Variants in COX16 observed in about 807,000 individuals in gnomAD.
COX16 encodes cytochrome c oxidase assembly factor COX16.
COX16 carries 12 observed loss-of-function variants against 15.4 expected under a neutral mutation model. That is an observed-to-expected ratio of 0.78 (90% CI 0.50 to 1.26). COX16 has a LOEUF of 1.26. Among genes scored for constraint, COX16 ranks in the 50% most tolerant of loss-of-function variants. The pLI, the probability that COX16 is intolerant of heterozygous loss-of-function variation, is 0.00. For synonymous variants in COX16, 46 were observed against 41.1 expected, an observed-to-expected ratio of 1.12 and a Z score of -0.46; for missense variants, 124 against 127.6, an observed-to-expected ratio of 0.97 and a Z score of 0.14.
At chr14:70,328,540 T>C (rs1365515390) in intron 3 of COX16, among the ~76,000 whole-genome samples, 5 of 152,200 alleles carry the variant, frequency 3.3e-5, no homozygotes, top group Admixed American at 2.0e-4. Flanking sequence ...GCTAATTAGA[T>C]GGGTGAAAAG....
At chr14:70,359,326 C>A in intron 1 of COX16, 193 bp downstream of exon 1, 1 of 661,508 alleles carries the variant, frequency 1.5e-6, no homozygotes. Context: ...GAGTGGGGGA[C>A]AGCGGCGGGG....
chr14:70,335,611 A>G (rs2140700379), intron 2 of COX16, among the ~76,000 whole-genome samples: 1 of 152,000 alleles, frequency 6.6e-6, no homozygotes, highest in South Asian at 2.1e-4. Context: ...GTTAAAAAAA[A>G]AAAAAAAGGA....
intron 2 of COX16, among the ~76,000 whole-genome samples, chr14:70,331,037 AT>A (rs1274046114): frequency 6.6e-6 from 1 of 152,174 alleles, no homozygotes; most frequent in African/African-American, 2.4e-5. Context: ...TGAGATGGAA[AT>A]CTCACTGTCA....
At chr14:70,341,705 T>C (rs545201978) in intron 2 of COX16, among the ~76,000 whole-genome samples, 19 of 152,202 alleles carry the variant, frequency 1.2e-4, no homozygotes, top group Non-Finnish European at 2.5e-4. Context: ...GACGATAACA[T>C]ATAGCCCCAA....
intron 3 of COX16, among the ~76,000 whole-genome samples, chr14:70,328,524 A>G (rs1268536906): frequency 6.6e-6 from 1 of 152,160 alleles, no homozygotes; most frequent in African/African-American, 2.4e-5. Flanking sequence ...AAACTCCTTG[A>G]TTTTTGCTAA....
chr14:70,356,489 T>C (rs1030079230), intron 1 of COX16, among the ~76,000 whole-genome samples: 2 of 152,172 alleles, frequency 1.3e-5, no homozygotes, highest in Non-Finnish European at 2.9e-5. Context: ...GGACCCCTGC[T>C]TTCTAGCAAC....
Position 70,359,523 on chromosome 14 carries a change from A to C in COX16, c.65T>G (p.Met22Arg), listed in dbSNP as rs765676668. 6.2e-7 allele frequency: 1 copy of C among 1,613,728 alleles called. No homozygotes were observed. Among genetic ancestry groups the C allele is most frequent in the South Asian group, 1.1e-5 (1 of 91,070 alleles). The stretch of plus-strand genomic sequence containing the variant: ...GATCCTCCTCACTCCACTCACCAAC[A>C]TGGGGACTCCATAGCCGAGAGTCTT... Reference protein sequence around the residue: ...KNKTLGYGVPMLLLIVGGSFG... With the variant: ...KNKTLGYGVPRLLLIVGGSFG... The change falls in exon 1 of 4, where the codon ATG (methionine) becomes AGG (arginine). Residue 22 changes from methionine (M) to arginine (R), a missense_variant. Met to Arg is a moderately conservative substitution (Grantham distance 91, BLOSUM62 -1). Transcript: ENST00000389912.
At chr14:70,354,617 A>G (rs541445503) in intron 1 of COX16, among the ~76,000 whole-genome samples, 10 of 152,230 alleles carry the variant, frequency 6.6e-5, no homozygotes, top group Non-Finnish European at 1.5e-4. Flanking sequence ...GAAGCTCTGC[A>G]TGCAGGACCC....
At chr14:70,341,860 TGTGA>T (rs1254276459) in intron 2 of COX16, among the ~76,000 whole-genome samples, 5 of 152,078 alleles carry the variant, frequency 3.3e-5, no homozygotes, top group African/African-American at 4.8e-5. Context: ...TCTGTGTGTG[TGTGA>T]GTGTGTGTGT....
chr14:70,329,494 C>T (rs953175410), intron 2 of COX16, among the ~76,000 whole-genome samples: 4 of 151,998 alleles, frequency 2.6e-5, no homozygotes, highest in Admixed American at 6.5e-5. Context: ...TTCATCCTCA[C>T]AAAATCCATG....
rs375798003 is a variant in COX16 at position 70,352,540 on chromosome 14, A to G, written c.69+6979T>C. The stretch of plus-strand genomic sequence containing the variant: ...ATACATATGATATTTTTATAACTAC[A>G]TGTTATATAATTATATATATGTAAA... On this transcript the variant is annotated intron_variant, in intron 1 of 3. Coordinates refer to ENST00000389912, the MANE Select transcript of COX16 (RefSeq NM_016468.7). Among the ~76,000 whole-genome samples, 38 of 151,752 alleles carry G rather than the reference A, an allele frequency of 2.5e-4. 2 individuals carry two copies. In the South Asian group the frequency reaches 7.5e-3, roughly 30 times the overall value.
intron 1 of COX16, among the ~76,000 whole-genome samples, chr14:70,345,894 AC>A (rs1009752270): frequency 6.7e-6 from 1 of 149,352 alleles, no homozygotes; most frequent in Non-Finnish European, 1.5e-5. Flanking sequence ...ATCTTTTTTA[AC>A]CCCCCAAGCC....
intron 2 of COX16, 44 bp downstream of exon 2, chr14:70,342,614 T>C: frequency 6.3e-7 from 1 of 1,583,122 alleles, no homozygotes; most frequent in South Asian, 1.2e-5. Flanking sequence ...AACCAGAACA[T>C]ACATATAGAC....
intron 1 of COX16, among the ~76,000 whole-genome samples, chr14:70,346,743 C>T (rs114596403): frequency 0.013 from 2,019 of 152,166 alleles, 35 homozygotes; most frequent in African/African-American, 0.047. Flanking sequence ...CACACCCAGT[C>T]CTCCCTTTTC....
At chr14:70,358,813 G>A (rs1295445475) in intron 1 of COX16, among the ~76,000 whole-genome samples, 2 of 152,152 alleles carry the variant, frequency 1.3e-5, no homozygotes, top group African/African-American at 2.4e-5. Flanking sequence ...TTTCAACTCT[G>A]GTTGTCTTAA....
At chr14:70,342,793 A>G in intron 1 of COX16, 64 bp from the exon 2 acceptor site, 1 of 1,564,612 alleles carries the variant, frequency 6.4e-7, no homozygotes, top group Non-Finnish European at 8.7e-7. Context: ...CAGCCTATCT[A>G]TAGATTGCTT....
At chr14:70,329,821 A>G (rs1438715301) in intron 2 of COX16, among the ~76,000 whole-genome samples, 2 of 152,046 alleles carry the variant, frequency 1.3e-5, no homozygotes, top group Non-Finnish European at 2.9e-5. Context: ...CAGGAAAAAG[A>G]GTATGATGGC....
chr14:70,335,616 AAAG>A (rs1444053798), intron 2 of COX16, among the ~76,000 whole-genome samples: 7 of 151,878 alleles, frequency 4.6e-5, no homozygotes, highest in East Asian at 1.9e-4. Flanking sequence ...AAAAAAAAAA[AAAG>A]GACCAAATTT....
chr14:70,326,046 G>GAGAGTGGAATACGTGACTCTGTT lies in COX16; in HGVS notation c.*264_*286dup, dbSNP rs1886059141. The GAGAGTGGAATACGTGACTCTGTT allele has an allele frequency of 5.7e-6, 1 of 176,768 alleles. No homozygotes were observed. The highest frequency in any genetic ancestry group is 1.9e-4 in the South Asian group (1 of 5,318). The allele number at this position is 176,768 out of a possible 1,614,324, so 10.9% of individuals were successfully genotyped here. ...TGCAAAAGGAATATGTGGGTAGTTG[G>GAGAGTGGAATACGTGACTCTGTT]AGAGTGGAATACGTGACTCTGTTTT... On this transcript the variant is annotated 3_prime_UTR_variant, in exon 4 of 4. Coordinates refer to ENST00000389912, the MANE Select transcript of COX16 (RefSeq NM_016468.7).
Sources: allele counts gnomAD v4.1 joint callset (sites outside exome capture counted in the v4.1 genomes callset), GRCh38; gene constraint gnomAD v4.1.1; transcripts MANE v1.5; gene names NCBI Gene and HGNC (gene_info 2026-07-23, HGNC 2026-07-21).